CCNT2: variants seen among roughly 807,000 people sequenced by gnomAD.
The protein encoded by CCNT2 is cyclin-T2.
Under a neutral mutation model 70.0 loss-of-function variants are expected in CCNT2, and 18 were observed. That is an observed-to-expected ratio of 0.26 (90% CI 0.18 to 0.38). The LOEUF is 0.38. Ranked by LOEUF, CCNT2 falls within the 10% of genes least tolerant of loss-of-function variation. CCNT2 has a pLI of 1.00. For missense variants in CCNT2, 734 were observed against 890.2 expected (o/e 0.82, Z 2.23); for synonymous variants, 334 against 313.3 (o/e 1.07, Z -0.70).
chr2:134,953,617 T>G lies in CCNT2; in HGVS notation c.1162T>G (p.Ser388Ala). The G allele has an allele frequency of 6.2e-7, 1 of 1,614,134 alleles. No homozygotes were observed. Among genetic ancestry groups the G allele is most frequent in the African/African-American group, 1.3e-5 (1 of 75,020 alleles). Residue 388 changes from serine (S) to alanine (A), a missense_variant, in exon 9 of 9, where the codon TCA becomes GCA. Physicochemically the swap from Ser to Ala is moderately conservative, Grantham distance 99. Coordinates refer to ENST00000264157, the MANE Select transcript of CCNT2 (RefSeq NM_058241.3). ...NINFQQGPSI[S>A]LHSGLHHRPD... ...CAACTTCCAGCAGGGACCTTCTATATCACTGCATTCAGGATTACATCACAG... is the reference window on the plus strand; with the variant it reads ...CAACTTCCAGCAGGGACCTTCTATAGCACTGCATTCAGGATTACATCACAG...
intron 2 of CCNT2, among the ~76,000 whole-genome samples, chr2:134,923,634 CCT>C (rs1680075333): frequency 1.3e-5 from 2 of 152,154 alleles, no homozygotes; most frequent in Non-Finnish European, 2.9e-5. Context: ...TTTTTAAATT[CCT>C]TTTAAACTAT....
At chr2:134,943,732 GCTT>G (rs1681741376) in intron 5 of CCNT2, 1 of 984,818 alleles carries the variant, frequency 1.0e-6, no homozygotes, top group Admixed American at 6.2e-5. Flanking sequence ...ATGTTGTTCT[GCTT>G]CTTACTTCCA....
intron 4 of CCNT2, among the ~76,000 whole-genome samples, chr2:134,940,146 A>T (rs1048447021): frequency 5.3e-5 from 8 of 152,214 alleles, no homozygotes; most frequent in African/African-American, 1.9e-4. Context: ...GTTGAATAGA[A>T]GTGCGATAAA....
In CCNT2 at chr2:134,918,870, G is replaced by A. The variant is rs1002715560; in HGVS notation, c.16G>A (p.Gly6Arg). Reference protein sequence around the residue: MASGRGASSRWFFTRE... With the variant: MASGRRASSRWFFTRE... The stretch of plus-strand genomic sequence containing the variant: ...AGGAAGTGTCATGGCGTCGGGCCGT[G>A]GAGCTTCTTCTCGCTGGTTCTTTAC... Residue 6 changes from glycine (G) to arginine (R), a missense_variant, in exon 1 of 9, where the codon GGA (glycine) becomes AGA (arginine). By Grantham distance (125) the Gly-to-Arg change is moderately radical (BLOSUM62 -2). Coordinates refer to ENST00000264157, the MANE Select transcript of CCNT2 (RefSeq NM_058241.3). 4 of 1,613,526 alleles carry A rather than the reference G, an allele frequency of 2.5e-6. No homozygotes were observed. The African/African-American group carries it at 5.3e-5, about 22-fold the overall frequency.
At chr2:134,921,135 C>G (rs961607050) in intron 2 of CCNT2, among the ~76,000 whole-genome samples, 15 of 152,112 alleles carry the variant, frequency 9.9e-5, no homozygotes, top group Admixed American at 7.2e-4. Flanking sequence ...TAAGGGAATT[C>G]ATTATAAATT....
At chr2:134,948,897 TAG>T (rs1682213772) in intron 7 of CCNT2, among the ~76,000 whole-genome samples, 1 of 151,788 alleles carries the variant, frequency 6.6e-6, no homozygotes, top group Non-Finnish European at 1.5e-5. Context: ...GTGTTTTTAG[TAG>T]AGATGGGGTT....
At chr2:134,930,016 A>G (rs1680627207) in intron 2 of CCNT2, among the ~76,000 whole-genome samples, 1 of 152,086 alleles carries the variant, frequency 6.6e-6, no homozygotes, top group Admixed American at 6.5e-5. Context: ...CAATTCATAT[A>G]CCGTAAAATC....
At chr2:134,933,993 C>T (rs1180734836) in intron 2 of CCNT2, among the ~76,000 whole-genome samples, 1 of 152,176 alleles carries the variant, frequency 6.6e-6, no homozygotes, top group Non-Finnish European at 1.5e-5. Flanking sequence ...CTTGAGGCAG[C>T]ATGGCTATGG....
At chr2:134,937,963 CT>C (rs1470356229) in intron 3 of CCNT2, among the ~76,000 whole-genome samples, 27 of 152,132 alleles carry the variant, frequency 1.8e-4, no homozygotes, top group Non-Finnish European at 1.0e-4. Context: ...AATCAGGAAC[CT>C]TTACCCATTG....
intron 2 of CCNT2, among the ~76,000 whole-genome samples, chr2:134,930,280 T>TC (rs1274979284): frequency 6.6e-6 from 1 of 152,216 alleles, no homozygotes; most frequent in Non-Finnish European, 1.5e-5. Flanking sequence ...GTTTTCAAGG[T>TC]CCGTTCATGG....
At chr2:134,942,788 A>C (rs1681668467) in intron 5 of CCNT2, 114 bp downstream of exon 5, 9 of 1,392,454 alleles carry the variant, frequency 6.5e-6, no homozygotes, top group African/African-American at 1.5e-5. Context: ...AAAATTAGGG[A>C]GAAATGTCAT....
In CCNT2 at chr2:134,956,883, G is replaced by A. The variant is rs1001031734; in HGVS notation, c.*2235G>A. On this transcript the variant is annotated 3_prime_UTR_variant, in exon 9 of 9. Transcript: ENST00000264157. ...ATGGACAGTTAAAAAGATAGCTAGTGTATATTGTTATGGGTCAGTACTTAT... is the reference window on the plus strand; with the variant it reads ...ATGGACAGTTAAAAAGATAGCTAGTATATATTGTTATGGGTCAGTACTTAT... 2 of 152,560 alleles carry A rather than the reference G, an allele frequency of 1.3e-5. No homozygotes were observed. The highest frequency in any genetic ancestry group is 4.8e-5 in the African/African-American group (2 of 41,434). 9.5% of individuals were successfully genotyped at this position (152,560 alleles called of 1,614,324 possible).
At chr2:134,928,274 C>CTTTTTTTTTTTTTTTTTATTTTT (rs1680446469) in intron 2 of CCNT2, among the ~76,000 whole-genome samples, 1 of 96,428 alleles carries the variant, frequency 1.0e-5, no homozygotes. Context: ...CATTGTATTT[C>CTTTTTTTTTTTTTTTTTATTTTT]TTTTTTTTTT....
intron 5 of CCNT2, chr2:134,943,620 A>G (rs1681730379): frequency 2.0e-6 from 2 of 984,556 alleles, no homozygotes; most frequent in African/African-American, 3.5e-5. Flanking sequence ...ATATTGCTTT[A>G]CTGCTTGTAA....
At chr2:134,942,941 C>G in intron 5 of CCNT2, 1 of 985,296 alleles carries the variant, frequency 1.0e-6, no homozygotes, top group African/African-American at 1.7e-5. Flanking sequence ...CTATCCATCC[C>G]CCATTGAGCT....
chr2:134,931,046 T>C (rs1208784470), intron 2 of CCNT2, among the ~76,000 whole-genome samples: 1 of 151,710 alleles, frequency 6.6e-6, no homozygotes, highest in Non-Finnish European at 1.5e-5. Context: ...CACTGCGTGC[T>C]CCACCTCCCA....
intron 2 of CCNT2, among the ~76,000 whole-genome samples, chr2:134,920,536 C>T (rs544422647): frequency 7.4e-4 from 112 of 152,150 alleles, no homozygotes; most frequent in African/African-American, 2.6e-3. Flanking sequence ...ACCTGTAAAC[C>T]TTGACAAATA....
chr2:134,920,654 ATTG>A (rs1299549002), intron 2 of CCNT2, among the ~76,000 whole-genome samples: 1 of 152,172 alleles, frequency 6.6e-6, no homozygotes, highest in Non-Finnish European at 1.5e-5. Context: ...AAAATTGCAT[ATTG>A]TTTAGAAATG....
In CCNT2 at chr2:134,947,954, T is replaced by C. The variant is rs372951138; in HGVS notation, c.703+55T>C. 1.3e-4 allele frequency: 130 copies of C among 1,036,860 alleles called. No homozygotes were observed. In the African/African-American group the frequency reaches 1.9e-3, roughly 15 times the overall value. 64.2% of individuals were successfully genotyped at this position (1,036,860 alleles called of 1,614,324 possible). The stretch of plus-strand genomic sequence containing the variant: ...GGAATTATCTAAGTTGGCAGTTGTC[T>C]GAATTGACAATAGAAAGTGTCAGTA... On this transcript the variant is annotated intron_variant, in intron 7 of 8. Coordinates refer to ENST00000264157, the MANE Select transcript of CCNT2 (RefSeq NM_058241.3).
Sources: allele counts gnomAD v4.1 joint callset (sites outside exome capture counted in the v4.1 genomes callset), GRCh38; gene constraint gnomAD v4.1.1; transcripts MANE v1.5; gene names NCBI Gene and HGNC (gene_info 2026-07-23, HGNC 2026-07-21).